The following DLGAP1 variants were observed in gnomAD, a reference collection of about 807,000 sequenced individuals.
DLGAP1 encodes the protein DLG associated protein 1, also known as disks large-associated protein 1.
DLGAP1 carries 11 observed loss-of-function variants against 90.8 expected under a neutral mutation model. The ratio of observed to expected loss-of-function variants is 0.12; its 90% CI spans 0.08 to 0.20. The LOEUF (loss-of-function observed/expected upper bound fraction) is 0.20, where lower values mean the gene tolerates loss of function less well. Ranked by LOEUF, DLGAP1 falls within the 10% of genes least tolerant of loss-of-function variation. The pLI is 1.00. For missense variants in DLGAP1, 1,050 were observed against 1,333.8 expected, an observed-to-expected ratio of 0.79 and a Z score of 3.31; for synonymous variants, 558 against 540.7, an observed-to-expected ratio of 1.03 and a Z score of -0.44.
At chr18:4,331,447 A>G (rs1321936110) in intron 1 of DLGAP1, among the ~76,000 whole-genome samples, 1 of 151,766 alleles carries the variant, frequency 6.6e-6, no homozygotes, top group Non-Finnish European at 1.5e-5. Context: ...GTACAAACCT[A>G]AAAGAGGTCA....
At chr18:4,420,202 A>C (rs1050066652) in intron 1 of DLGAP1, among the ~76,000 whole-genome samples, 2 of 152,226 alleles carry the variant, frequency 1.3e-5, no homozygotes, top group Non-Finnish European at 2.9e-5. Context: ...TCTGATAAAA[A>C]TGAAAACAAA....
chr18:4,415,753 T>G (rs2082885958), intron 1 of DLGAP1, among the ~76,000 whole-genome samples: 1 of 152,126 alleles, frequency 6.6e-6, no homozygotes, highest in African/African-American at 2.4e-5. Context: ...TGTTTTCATC[T>G]ATAAAATGGG....
At chr18:3,656,053 CATT>C (rs1323400995) in intron 7 of DLGAP1, 235 of 1,536,334 alleles carry the variant, frequency 1.5e-4, no homozygotes, top group Non-Finnish European at 2.0e-4. Context: ...TTAAGCAAAA[CATT>C]ATTGATTTTG....
intron 4 of DLGAP1, among the ~76,000 whole-genome samples, chr18:3,854,109 C>T (rs1478662909): frequency 6.6e-6 from 1 of 151,768 alleles, no homozygotes; most frequent in Non-Finnish European, 1.5e-5. Flanking sequence ...GTTTATGAAC[C>T]CCTCCCCCTA....
intron 1 of DLGAP1, among the ~76,000 whole-genome samples, chr18:4,241,000 C>T (rs16946306): frequency 1.3e-5 from 2 of 152,162 alleles, no homozygotes; most frequent in African/African-American, 2.4e-5. Flanking sequence ...CCAGTTTAAT[C>T]GACGTACTGA....
rs74561309 is a variant in DLGAP1, at chr18:3,873,399, T to C, written c.957+5713A>G. ...TTCAGGAACCTTGACATTCACTTGC[T>C]GGATTATTAGGGCAATTTAAATTAA... On this transcript the variant is annotated intron_variant, in intron 4 of 12. Coordinates refer to ENST00000315677, the MANE Select transcript of DLGAP1 (RefSeq NM_004746.4). Among the ~76,000 whole-genome samples, 4 of 152,320 alleles carry C rather than the reference T, an allele frequency of 2.6e-5. No individual in the cohort carries two copies. In the East Asian group the frequency reaches 7.7e-4, roughly 29 times the overall value.
chr18:4,342,635 T>C lies in DLGAP1; in HGVS notation c.-267+112371A>G, dbSNP rs930668218. Among the ~76,000 whole-genome samples, 6 of 152,182 alleles carry C rather than the reference T, an allele frequency of 3.9e-5. No homozygotes were observed. The highest frequency in any genetic ancestry group is 1.4e-4 in the African/African-American group (6 of 41,454). ...TACACAAAGAGGGAAATTAGCTCTA[T>C]TGAAAATGTATTTGTTTTGGTTTTG... is the stretch of plus-strand genomic sequence containing the variant. On this transcript the variant is annotated intron_variant, in intron 1 of 12. Coordinates refer to ENST00000315677, the MANE Select transcript of DLGAP1 (RefSeq NM_004746.4). This position sits in a 1 kb window ranked among gnomAD's most constrained non-coding sequence, Gnocchi z 5.8.
rs778336867 is a variant in DLGAP1, at chr18:3,729,307, C to A, written c.1419G>T (p.Ser473=). 2.5e-6 allele frequency: 4 copies of A among 1,614,018 alleles called. No individual in the cohort carries two copies. The African/African-American group carries it at 4.0e-5, about 16-fold the overall frequency. The change falls in exon 7 of 13, where the codon TCG becomes TCT. Residue 473 remains serine, a synonymous_variant. Coordinates refer to ENST00000315677, the MANE Select transcript of DLGAP1 (RefSeq NM_004746.4). The surrounding 1 kb of genome is among the most constrained non-coding windows in gnomAD (Gnocchi z 6.2). ...GCAGGTCCAGCGCTTCCACGGCCTG[C>A]GACTCCAGCTCGCTGAACACGGACT... is the stretch of plus-strand genomic sequence containing the variant. ...VCESVFSELE[S]QAVEALDLPM... is the part of the protein sequence containing the mutation.
At chr18:3,551,174 TATACACATACATATAA>T (rs1432412654) in intron 9 of DLGAP1, among the ~76,000 whole-genome samples, 1 of 3,204 alleles carries the variant, frequency 3.1e-4, no homozygotes, top group African/African-American at 4.6e-4. Context: ...TATATATATA[TATACACATACATATAA>T]ATGCTTTTTT....
chr18:4,131,588 C>T lies in DLGAP1; in HGVS notation c.-159+19592G>A, dbSNP rs377126205. 1.0e-3 allele frequency among the ~76,000 whole-genome samples: 153 copies of T among 152,206 alleles called. 1 individual carries two copies. Among genetic ancestry groups the T allele is most frequent in the African/African-American group, 3.5e-3 (147 of 41,532 alleles). ...CAGGAGATGGGCCAGATTTGATCCA[C>T]GAGATGAGGTCCGCTGACTCCTGCT... On this transcript the variant is annotated intron_variant, in intron 2 of 12. Transcript: ENST00000315677.
At chr18:4,089,038 T>C (rs34307459) in intron 2 of DLGAP1, among the ~76,000 whole-genome samples, 50,484 of 152,082 alleles carry the variant, frequency 0.33, 8,474 homozygotes, top group African/African-American at 0.35. Flanking sequence ...AACATGATCC[T>C]ATATCTAGAA....
At chr18:4,058,180 G>GGCC (rs1411586550) in intron 2 of DLGAP1, among the ~76,000 whole-genome samples, 1 of 152,172 alleles carries the variant, frequency 6.6e-6, no homozygotes, top group Non-Finnish European at 1.5e-5. Flanking sequence ...TTTTCTCTGT[G>GGCC]TATATTTGAA....
intron 2 of DLGAP1, among the ~76,000 whole-genome samples, chr18:4,119,343 C>T (rs1425533340): frequency 1.3e-5 from 2 of 152,180 alleles, no homozygotes; most frequent in Non-Finnish European, 2.9e-5. Context: ...ATCCTCCCTC[C>T]TCAGCCTTCC....
intron 1 of DLGAP1, among the ~76,000 whole-genome samples, chr18:4,440,137 A>AG (rs1182091989): frequency 4.0e-5 from 6 of 151,484 alleles, no homozygotes; most frequent in Admixed American, 2.6e-4. Flanking sequence ...AAAAAAAAAA[A>AG]AAAAAAATAG....
At position 4,378,406 on chromosome 18, in the gene DLGAP1, A is replaced by G. The variant is rs1347155314; in HGVS notation, c.-267+76600T>C. Among the ~76,000 whole-genome samples, 1 of 152,134 alleles carries G rather than the reference A, an allele frequency of 6.6e-6. No homozygotes were observed. The highest frequency in any genetic ancestry group is 6.6e-5 in the Admixed American group (1 of 15,264). ...CTTTTTAACGACAAAATCATTCTGTATAATTAAGCTTAAACATCTAAAGAG... is the reference window on the plus strand; with the variant it reads ...CTTTTTAACGACAAAATCATTCTGTGTAATTAAGCTTAAACATCTAAAGAG... On this transcript the variant is annotated intron_variant, in intron 1 of 12. Coordinates refer to ENST00000315677, the MANE Select transcript of DLGAP1 (RefSeq NM_004746.4). This position sits in a 1 kb window ranked among gnomAD's most constrained non-coding sequence, Gnocchi z 4.5.
At chr18:4,059,083 C>G (rs1053713431) in intron 2 of DLGAP1, among the ~76,000 whole-genome samples, 1 of 152,084 alleles carries the variant, frequency 6.6e-6, no homozygotes, top group Non-Finnish European at 1.5e-5. Context: ...AGTGGTAAGA[C>G]CAGTACATTT....
At chr18:3,812,243 C>T (rs910290224) in intron 5 of DLGAP1, among the ~76,000 whole-genome samples, 23 of 152,058 alleles carry the variant, frequency 1.5e-4, no homozygotes, top group Admixed American at 6.6e-5. Context: ...GGTCCTTGGC[C>T]TCCCTCATTT....
chr18:4,137,675 T>C (rs576627904), intron 2 of DLGAP1, among the ~76,000 whole-genome samples: 50 of 152,304 alleles, frequency 3.3e-4, no homozygotes, highest in African/African-American at 1.1e-3. Context: ...ATATCTTTGG[T>C]ATTTTGATAA....
rs748773951 is a variant in DLGAP1, at chr18:3,879,321, C to T, written c.748G>A (p.Ala250Thr). 3 of 1,601,882 alleles carry T rather than the reference C, an allele frequency of 1.9e-6. No individual in the cohort carries two copies. Among genetic ancestry groups the T allele is most frequent in the Admixed American group, 1.7e-5 (1 of 58,622 alleles). Residue 250 changes from alanine to threonine, a missense_variant, in exon 4 of 13, where the codon GCC becomes ACC. This residue lies in a region of DLGAP1 where 485 missense variants were observed against 454.1 expected (regional missense o/e 1.07). Coordinates refer to ENST00000315677, the MANE Select transcript of DLGAP1 (RefSeq NM_004746.4). The surrounding 1 kb of genome is among the most constrained non-coding windows in gnomAD (Gnocchi z 6.6). ...TTGACGTCGTTGTTGCTCCGGGAGG[C>T]CTTCACCGCCTGCTCGCTGATGGTG... ...YNTISEQAVKASRSNNDVKCS... is the reference protein window; with the variant it reads ...YNTISEQAVKTSRSNNDVKCS...
Sources: allele counts gnomAD v4.1 joint callset (sites outside exome capture counted in the v4.1 genomes callset), GRCh38; gene constraint gnomAD v4.1.1; regional missense constraint gnomAD v4.1.1; non-coding constraint Gnocchi (gnomAD v3.1); transcripts MANE v1.5; gene names NCBI Gene and HGNC (gene_info 2026-07-23, HGNC 2026-07-21).